Variants in ZNF714 observed in about 807,000 individuals in gnomAD.
ZNF714 encodes zinc finger protein 714.
ZNF714 carries 32 observed loss-of-function variants against 46.2 expected under a neutral mutation model. That is an observed-to-expected ratio of 0.69 (90% CI 0.52 to 0.93). The LOEUF is 0.93. Among genes scored for constraint, ZNF714 ranks in the 40% least tolerant of loss-of-function variants. The pLI, the probability that ZNF714 is intolerant of heterozygous loss-of-function variation, is 0.00. For synonymous variants in ZNF714, 199 were observed against 213.1 expected (o/e 0.93, Z 0.58); for missense variants, 635 against 646.3 (o/e 0.98, Z 0.19).
chr19:21,123,654 C>T lies in ZNF714; in HGVS notation c.*5322C>T, dbSNP rs1047635424. Among the ~76,000 whole-genome samples, 1 of 152,166 alleles carries T rather than the reference C, an allele frequency of 6.6e-6. No homozygotes were observed. The highest frequency in any genetic ancestry group is 1.5e-5 in the Non-Finnish European group (1 of 68,034). The stretch of plus-strand genomic sequence containing the variant: ...ACAGGCATGAGCCACAGTGCCCGGC[C>T]ACGAATTTAATTTTCTATGATATAA... On this transcript the variant is annotated 3_prime_UTR_variant, in exon 5 of 5. Coordinates refer to ENST00000456283, the MANE Select transcript of ZNF714 (RefSeq NM_182515.4).
chr19:21,112,347 A>G (rs1237312791), intron 4 of ZNF714, among the ~76,000 whole-genome samples: 1 of 151,986 alleles, frequency 6.6e-6, no homozygotes, highest in Non-Finnish European at 1.5e-5. Context: ...CAGTTTATCC[A>G]TTTCTTCTAG....
Position 21,117,805 on chromosome 19 carries a change from T to C in ZNF714, c.1141T>C (p.Ser381Pro). 5 of 1,612,396 alleles carry C rather than the reference T, an allele frequency of 3.1e-6. No individual in the cohort carries two copies. The highest frequency in any genetic ancestry group is 4.2e-6 in the Non-Finnish European group (5 of 1,179,142). The change falls in exon 5 of 5, where the codon TCC becomes CCC. Residue 381 changes from serine to proline, a missense_variant. Coordinates refer to ENST00000456283, the MANE Select transcript of ZNF714 (RefSeq NM_182515.4). ...CEECGKAFNHSSKLTIHKIIH... is the reference protein window; with the variant it reads ...CEECGKAFNHPSKLTIHKIIH... ...AGAATGTGGCAAAGCCTTTAACCAC[T>C]CCTCAAAACTTACTATACATAAGAT... is the stretch of plus-strand genomic sequence containing the variant.
At chr19:21,110,055 TACA>T (rs1969415421) in intron 4 of ZNF714, among the ~76,000 whole-genome samples, 1 of 152,224 alleles carries the variant, frequency 6.6e-6, no homozygotes, top group South Asian at 2.1e-4. Context: ...GCAGTGAAGA[TACA>T]CATCCATGTA....
chr19:21,101,892 GA>G (rs937295786), intron 4 of ZNF714, among the ~76,000 whole-genome samples: 1 of 152,072 alleles, frequency 6.6e-6, no homozygotes, highest in Non-Finnish European at 1.5e-5. Context: ...CCTGTCCTCT[GA>G]AAAAAACACT....
chr19:21,098,096 A>C (rs892580818), intron 2 of ZNF714, 89 bp from the exon 3 acceptor site: 80 of 1,498,972 alleles, frequency 5.3e-5, no homozygotes, highest in Middle Eastern at 3.6e-4. Flanking sequence ...AATTCTCTTT[A>C]CTCTCTCATT....
intron 2 of ZNF714, among the ~76,000 whole-genome samples, chr19:21,092,849 T>G (rs933954450): frequency 2.0e-5 from 3 of 151,952 alleles, no homozygotes; most frequent in African/African-American, 4.8e-5. Context: ...GTTTCTGTTT[T>G]AGGTTCCTAA....
chr19:21,110,256 C>T (rs531792079), intron 4 of ZNF714, among the ~76,000 whole-genome samples: 2 of 152,196 alleles, frequency 1.3e-5, no homozygotes, highest in Non-Finnish European at 2.9e-5. Context: ...TCACCAACAT[C>T]TGTTGTTTCT....
intron 1 of ZNF714, 135 bp downstream of exon 1, chr19:21,082,483 C>A (rs1968676179): frequency 1.1e-6 from 1 of 879,616 alleles, no homozygotes; most frequent in Non-Finnish European, 1.7e-6. Flanking sequence ...TTGCTCAGCT[C>A]GGCCTCAGTC....
chr19:21,102,810 T>C (rs575705681), intron 4 of ZNF714, among the ~76,000 whole-genome samples: 1 of 152,316 alleles, frequency 6.6e-6, no homozygotes, highest in Admixed American at 6.5e-5. Flanking sequence ...CTTACTGTTG[T>C]GCAGTTTTCA....
chr19:21,108,363 T>G (rs1193125357), intron 4 of ZNF714, among the ~76,000 whole-genome samples: 1 of 152,218 alleles, frequency 6.6e-6, no homozygotes, highest in African/African-American at 2.4e-5. Context: ...TGGTCTGTGG[T>G]ATGGTTTGGA....
intron 4 of ZNF714, among the ~76,000 whole-genome samples, chr19:21,109,797 A>T (rs1002641527): frequency 7.0e-6 from 1 of 142,370 alleles, no homozygotes; most frequent in African/African-American, 2.5e-5. Flanking sequence ...CCCATATGTC[A>T]TGTGTTCTTA....
chr19:21,106,335 C>T (rs112405205), intron 4 of ZNF714, among the ~76,000 whole-genome samples: 8,536 of 151,626 alleles, frequency 0.056, 791 homozygotes, highest in African/African-American at 0.2. Flanking sequence ...TTTGGGAGGC[C>T]GAGGCGGGCG....
rs1969673677 is a variant in ZNF714 at position 21,119,599 on chromosome 19, T to G, written c.*1267T>G. On this transcript the variant is annotated 3_prime_UTR_variant, in exon 5 of 5. Coordinates refer to ENST00000456283, the MANE Select transcript of ZNF714 (RefSeq NM_182515.4). ...TTATATTGAAGAAAAATCATGCAAA[T>G]GTAGTAAATTTGGAAAAACACTTTT... is the stretch of plus-strand genomic sequence containing the variant. 1 of 152,222 alleles carries G rather than the reference T, an allele frequency of 6.6e-6. No homozygotes were observed. Among genetic ancestry groups the G allele is most frequent in the African/African-American group, 2.4e-5 (1 of 41,438 alleles). 9.4% of individuals were successfully genotyped at this position (152,222 alleles called of 1,614,324 possible). A position where few individuals can be genotyped will look rare whatever the true frequency, so the allele number is the denominator to read the frequency against.
At chr19:21,116,519 T>A (rs1969599059) in intron 4 of ZNF714, among the ~76,000 whole-genome samples, 1 of 152,180 alleles carries the variant, frequency 6.6e-6, no homozygotes, top group South Asian at 2.1e-4. Flanking sequence ...TAGGAAGAAC[T>A]GTGTTGGGCA....
At chr19:21,111,775 G>A (rs1285240317) in intron 4 of ZNF714, among the ~76,000 whole-genome samples, 1 of 152,150 alleles carries the variant, frequency 6.6e-6, no homozygotes, top group Non-Finnish European at 1.5e-5. Context: ...AGTTTATTGA[G>A]AGTTTTTAAC....
At position 21,118,974 on chromosome 19, in the gene ZNF714, G is replaced by A; in HGVS notation, c.*642G>A. 3.1e-6 allele frequency: 1 copy of A among 324,522 alleles called. No homozygotes were observed. The highest frequency in any genetic ancestry group is 6.0e-6 in the Non-Finnish European group (1 of 166,032). The allele number at this position is 324,522 out of a possible 1,614,324, so 20.1% of individuals were successfully genotyped here. ...TGCTCACACCTTATTGCACAGGAAAGCATTTGTACTTGAGATAAATTATAC... is the reference window on the plus strand; with the variant it reads ...TGCTCACACCTTATTGCACAGGAAAACATTTGTACTTGAGATAAATTATAC... On this transcript the variant is annotated 3_prime_UTR_variant, in exon 5 of 5. Transcript: ENST00000456283.
In ZNF714 at chr19:21,117,107, A is replaced by T. The variant is rs1368887540; in HGVS notation, c.443A>T (p.Lys148Ile). 1.2e-6 allele frequency: 2 copies of T among 1,613,704 alleles called. No individual in the cohort carries two copies. The highest frequency in any genetic ancestry group is 2.2e-5 in the South Asian group (2 of 91,016). ...RHTGEKPFKC[K>I]KCDESFCMLL... ...ACTGGAGAGAAACCTTTCAAATGTA[A>T]AAAATGTGATGAATCATTTTGCATG... The change falls in exon 5 of 5, where the codon AAA becomes ATA. Residue 148 changes from lysine to isoleucine, a missense_variant. By Grantham distance (102) the Lys-to-Ile change is moderately radical (BLOSUM62 -3). Transcript: ENST00000456283.
chr19:21,118,192 G>C lies in ZNF714; in HGVS notation c.1528G>C (p.Ala510Pro). 6.2e-7 allele frequency: 1 copy of C among 1,607,676 alleles called. No individual in the cohort carries two copies. Among genetic ancestry groups the C allele is most frequent in the East Asian group, 2.2e-5 (1 of 44,612 alleles). The change falls in exon 5 of 5, where the codon GCC (alanine) becomes CCC (proline). Residue 510 changes from alanine (A) to proline (P), a missense_variant. By Grantham distance (27) the Ala-to-Pro change is conservative. Transcript: ENST00000456283. ...AATTCAGCAGGGCATGGTGGCTCATGCCTGTAATCCCAACACTTTGAGAGG... is the reference window on the plus strand; with the variant it reads ...AATTCAGCAGGGCATGGTGGCTCATCCCTGTAATCCCAACACTTTGAGAGG... ...RKIQQGMVAH[A>P]CNPNTLRGLG...
At chr19:21,083,804 T>G (rs1025527842) in intron 1 of ZNF714, among the ~76,000 whole-genome samples, 174 bp from the exon 2 acceptor site, 29 of 152,228 alleles carry the variant, frequency 1.9e-4, no homozygotes, top group Middle Eastern at 3.4e-3. Flanking sequence ...AGAATGTTTT[T>G]GGGTCAAGGT....
Sources: allele counts gnomAD v4.1 joint callset (sites outside exome capture counted in the v4.1 genomes callset), GRCh38; gene constraint gnomAD v4.1.1; transcripts MANE v1.5; gene names NCBI Gene and HGNC (gene_info 2026-07-23, HGNC 2026-07-21).